TANC2: variants seen among roughly 807,000 people sequenced by gnomAD.
The protein encoded by TANC2 is protein TANC2.
In TANC2, 26 loss-of-function variants were observed where a neutral mutation model predicts 210.5. That is an observed-to-expected ratio of 0.12 (90% CI 0.09 to 0.17). The LOEUF is 0.17. Ranked by LOEUF, TANC2 falls within the 10% of genes least tolerant of loss-of-function variation. The pLI is 1.00. For synonymous variants in TANC2, 931 were observed against 967.1 expected (o/e 0.96, Z 0.69); for missense variants, 2,129 against 2,608.9 (o/e 0.82, Z 4.01).
chr17:63,268,891 T>A (rs2043611197), intron 9 of TANC2, among the ~76,000 whole-genome samples: 2 of 152,190 alleles, frequency 1.3e-5, no homozygotes, highest in Admixed American at 6.5e-5. Context: ...AAACTGTCTC[T>A]GATAGCTTTT....
At chr17:63,285,771 A>G (rs113872035) in intron 9 of TANC2, among the ~76,000 whole-genome samples, 3,638 of 152,262 alleles carry the variant, frequency 0.024, 60 homozygotes, top group Non-Finnish European at 0.038. Flanking sequence ...ATGACCCAAG[A>G]TTTTTATTGG....
intron 14 of TANC2, among the ~76,000 whole-genome samples, chr17:63,360,834 T>C (rs1363889082): frequency 6.6e-6 from 1 of 152,180 alleles, no homozygotes; most frequent in African/African-American, 2.4e-5. Flanking sequence ...CCCTACTCTC[T>C]ATCTCCATGA....
At chr17:63,083,613 G>A (rs1300153983) in intron 3 of TANC2, among the ~76,000 whole-genome samples, 2 of 152,184 alleles carry the variant, frequency 1.3e-5, no homozygotes, top group Non-Finnish European at 2.9e-5. Context: ...AAAAAACATA[G>A]TAAACTCAGT....
intron 8 of TANC2, among the ~76,000 whole-genome samples, chr17:63,252,050 A>G (rs1485401262): frequency 6.6e-6 from 1 of 152,194 alleles, no homozygotes; most frequent in Non-Finnish European, 1.5e-5. Context: ...GTGAGAAACT[A>G]AACCTGTGGC....
At chr17:63,294,816 C>A (rs980457731) in intron 9 of TANC2, among the ~76,000 whole-genome samples, 1 of 152,110 alleles carries the variant, frequency 6.6e-6, no homozygotes, top group African/African-American at 2.4e-5. Context: ...TTGGCTGTAC[C>A]ATTTTCTGGG....
intron 9 of TANC2, among the ~76,000 whole-genome samples, chr17:63,272,793 A>G (rs1221448459): frequency 6.6e-6 from 1 of 152,160 alleles, no homozygotes; most frequent in Admixed American, 6.5e-5. Flanking sequence ...TACCCAGTAG[A>G]TAACTAAGTT....
At position 63,306,034 on chromosome 17, in the gene TANC2, G is replaced by A. The variant is rs564198496; in HGVS notation, c.1160-8354G>A. The stretch of plus-strand genomic sequence containing the variant: ...ACAGCAGAAAACTGCACCTTTGGAC[G>A]CGCTAGAAGGGAATGACGTAATGTG... On this transcript the variant is annotated intron_variant, in intron 9 of 27. Coordinates refer to ENST00000689528, the Ensembl canonical transcript of TANC2. 4.6e-5 allele frequency among the ~76,000 whole-genome samples: 7 copies of A among 152,302 alleles called. No individual in the cohort carries two copies. In the South Asian group the frequency reaches 1.2e-3, roughly 27 times the overall value.
chr17:63,416,466 A>C (rs1380748983), intron 26 of TANC2, among the ~76,000 whole-genome samples: 1 of 152,204 alleles, frequency 6.6e-6, no homozygotes, highest in Non-Finnish European at 1.5e-5. Flanking sequence ...ATCAATTAAA[A>C]ACTCAGCTGG....
At chr17:63,142,597 T>C (rs994061003) in intron 4 of TANC2, among the ~76,000 whole-genome samples, 2 of 152,184 alleles carry the variant, frequency 1.3e-5, no homozygotes, top group Non-Finnish European at 2.9e-5. Context: ...ATTTGCTGTT[T>C]CATTGAGTTC....
chr17:63,281,213 A>G (rs2146349510), intron 9 of TANC2, among the ~76,000 whole-genome samples: 1 of 152,270 alleles, frequency 6.6e-6, no homozygotes, highest in Non-Finnish European at 1.5e-5. Context: ...AGTTTGTAGC[A>G]TTTTGCTTAA....
chr17:63,353,640 A>C (rs1383433671), intron 13 of TANC2, among the ~76,000 whole-genome samples: 1 of 152,086 alleles, frequency 6.6e-6, no homozygotes, highest in Non-Finnish European at 1.5e-5. Context: ...AGAAGAGGAA[A>C]GAACAGAGCC....
At chr17:63,322,814 A>G (rs1278114002) in intron 11 of TANC2, among the ~76,000 whole-genome samples, 2 of 152,212 alleles carry the variant, frequency 1.3e-5, no homozygotes, top group African/African-American at 4.8e-5. Context: ...AAGTCCCAAG[A>G]TGTTCATGTT....
intron 7 of TANC2, among the ~76,000 whole-genome samples, chr17:63,232,264 C>G (rs574199793): frequency 6.6e-6 from 1 of 152,312 alleles, no homozygotes; most frequent in Admixed American, 6.5e-5. Flanking sequence ...TCAATTCATC[C>G]ATCTCAGCCT....
intron 8 of TANC2, among the ~76,000 whole-genome samples, chr17:63,251,413 A>G (rs1391608831): frequency 3.3e-5 from 5 of 152,194 alleles, no homozygotes; most frequent in African/African-American, 9.6e-5. Context: ...AACTAGGTAC[A>G]ACTAGAAGAA....
intron 1 of TANC2, among the ~76,000 whole-genome samples, chr17:62,991,515 C>T (rs1305425808): frequency 2.0e-5 from 3 of 151,562 alleles, no homozygotes; most frequent in African/African-American, 4.8e-5. Flanking sequence ...GGCGGGGGCC[C>T]GTAGGTCCCA....
chr17:63,329,997 A>G (rs1380505806), intron 11 of TANC2, among the ~76,000 whole-genome samples: 1 of 152,244 alleles, frequency 6.6e-6, no homozygotes, highest in East Asian at 1.9e-4. Context: ...GTATAAGGGA[A>G]AAGTTCTTGA....
chr17:63,152,503 A>G (rs1214433539), intron 5 of TANC2: 1 of 152,134 alleles, frequency 6.6e-6, no homozygotes, highest in African/African-American at 2.4e-5. Context: ...TCTTATAGAT[A>G]ACCATTCTTT....
chr17:63,340,533 CT>C (rs2046195480), intron 12 of TANC2, among the ~76,000 whole-genome samples: 1 of 150,990 alleles, frequency 6.6e-6, no homozygotes, highest in Non-Finnish European at 1.5e-5. Context: ...TTCCTCTTTT[CT>C]TTATAAAAAT....
chr17:63,058,392 G>GT (rs1284409796), intron 2 of TANC2, among the ~76,000 whole-genome samples: 4 of 152,126 alleles, frequency 2.6e-5, no homozygotes, highest in Non-Finnish European at 4.4e-5. Context: ...TCTGTTGATA[G>GT]TTTCGTTTGC....
Sources: gnomAD v4.1 joint callset for allele counts (sites outside exome capture counted in the v4.1 genomes callset) on GRCh38, gnomAD v4.1.1 for gene constraint, MANE v1.5 for transcripts, NCBI Gene and HGNC (gene_info 2026-07-23, HGNC 2026-07-21) for gene names.